Variants in SUMF1 observed in about 807,000 individuals in gnomAD.
SUMF1 encodes sulfatase modifying factor 1.
SUMF1 carries 48 observed loss-of-function variants against 47.6 expected under a neutral mutation model. That is an observed-to-expected ratio of 1.01 (90% CI 0.80 to 1.28). The LOEUF is 1.28. Ranked by LOEUF, SUMF1 falls within the 50% of genes most tolerant of loss-of-function variation. The pLI is 0.00. For missense variants in SUMF1, 571 were observed against 485.4 expected (o/e 1.18, Z -1.66); for synonymous variants, 230 against 192.1 (o/e 1.20, Z -1.63).
chr3:4,173,670 A>T (rs1405012321), intron 8 of SUMF1, among the ~76,000 whole-genome samples: 1 of 152,224 alleles, frequency 6.6e-6, no homozygotes, highest in Non-Finnish European at 1.5e-5. Context: ...AAAATGTGGC[A>T]CATATACACC....
intron 8 of SUMF1, among the ~76,000 whole-genome samples, chr3:4,352,683 A>C (rs1233935103): frequency 1.3e-5 from 2 of 148,354 alleles, no homozygotes; most frequent in Non-Finnish European, 3.0e-5. Flanking sequence ...AGGGTAGTCC[A>C]TGCATAGAAT....
downstream of SUMF1, among the ~76,000 whole-genome samples, chr3:4,360,605 T>C (rs1398816707): frequency 1.3e-5 from 2 of 152,146 alleles, no homozygotes; most frequent in Non-Finnish European, 2.9e-5. Flanking sequence ...AGTGCTGGGG[T>C]TACAGGTGTG....
chr3:4,373,470 A>AAG lies in SUMF1; in HGVS notation c.1014+2859_1014+2860insCT, dbSNP rs1027854881. On this transcript the variant is annotated intron_variant, in intron 8 of 8. Transcript: ENST00000272902. ...ATTAGGCCTACAGTAAAAGAAAAAA[A>AAG]AAATGGGCATACTGGCTCACACCTG... Among the ~76,000 whole-genome samples the AAG allele has an allele frequency of 5.3e-5, 8 of 151,858 alleles. No individual in the cohort carries two copies. The East Asian group carries it at 7.7e-4, about 15-fold the overall frequency.
At chr3:4,330,143 T>C (rs1237348393) in intron 8 of SUMF1, among the ~76,000 whole-genome samples, 1 of 152,192 alleles carries the variant, frequency 6.6e-6, no homozygotes, top group African/African-American at 2.4e-5. Context: ...GTCAAAGCCA[T>C]TCAACAAGTC....
At chr3:4,427,018 G>A (rs1206379062) in intron 3 of SUMF1, among the ~76,000 whole-genome samples, 1 of 152,094 alleles carries the variant, frequency 6.6e-6, no homozygotes, top group Non-Finnish European at 1.5e-5. Context: ...CCTCTCCCTG[G>A]GGACATAACC....
At chr3:4,307,499 G>GT in intron 8 of SUMF1, among the ~76,000 whole-genome samples, 1 of 152,312 alleles carries the variant, frequency 6.6e-6, no homozygotes, top group Middle Eastern at 3.4e-3. Flanking sequence ...AACAGTAAAT[G>GT]TAAGTCTAGT....
chr3:4,211,121 T>TATAC lies in SUMF1; in HGVS notation c.1015-142377_1015-142376insGTAT, dbSNP rs150373609. ...AAACTCCCATATATATATATATATA[T>TATAC]ACACACACACACACATATATACATA... On this transcript the variant is annotated intron_variant and NMD_transcript_variant, in intron 8 of 12. Coordinates refer to the SUMF1 transcript ENST00000448413. 1.8e-4 allele frequency among the ~76,000 whole-genome samples: 23 copies of TATAC among 128,312 alleles called. 2 individuals are homozygous for TATAC. Among genetic ancestry groups the TATAC allele is most frequent in the African/African-American group, 6.3e-4 (21 of 33,342 alleles). 84.2% of individuals were successfully genotyped at this position (128,312 alleles called of 152,430 possible).
intron 8 of SUMF1, among the ~76,000 whole-genome samples, chr3:4,335,965 A>AAAACAAAAACAAAC (rs1233134140): frequency 1.4e-5 from 2 of 146,880 alleles, no homozygotes; most frequent in African/African-American, 5.1e-5. Context: ...CAACTCAAAA[A>AAAACAAAAACAAAC]AAAAAAAAAA....
At chr3:4,128,175 GAAAA>G (rs1233533500) in intron 8 of SUMF1, among the ~76,000 whole-genome samples, 1 of 152,094 alleles carries the variant, frequency 6.6e-6, no homozygotes, top group Admixed American at 6.6e-5. Context: ...ATCTCCTGTA[GAAAA>G]AGCTAAAGTT....
chr3:4,066,723 G>A (rs1695384351), intron 9 of SUMF1, among the ~76,000 whole-genome samples: 1 of 152,136 alleles, frequency 6.6e-6, no homozygotes, highest in Admixed American at 6.5e-5. Context: ...CCCGGCCGAT[G>A]TCACCTGCAA....
chr3:4,089,214 G>C (rs1350581309), intron 8 of SUMF1, among the ~76,000 whole-genome samples: 3 of 151,970 alleles, frequency 2.0e-5, no homozygotes, highest in African/African-American at 4.8e-5. Context: ...GTTTGCATAG[G>C]GGTGACCTTG....
chr3:4,185,047 G>A (rs1018175457), intron 8 of SUMF1, among the ~76,000 whole-genome samples: 3 of 152,134 alleles, frequency 2.0e-5, no homozygotes, highest in African/African-American at 7.2e-5. Context: ...AGGAGATTTT[G>A]TTGGTAAAAT....
At chr3:4,259,402 G>T (rs1697036257) in intron 8 of SUMF1, among the ~76,000 whole-genome samples, 2 of 152,226 alleles carry the variant, frequency 1.3e-5, no homozygotes, top group Non-Finnish European at 2.9e-5. Flanking sequence ...CAAAAGGACA[G>T]CATTTAGGGA....
intron 8 of SUMF1, among the ~76,000 whole-genome samples, chr3:4,144,874 C>T (rs146788031): frequency 5.8e-4 from 88 of 152,156 alleles, no homozygotes; most frequent in Non-Finnish European, 1.0e-3. Context: ...CGGAACAAAC[C>T]ACAGAATTAT....
intron 8 of SUMF1, among the ~76,000 whole-genome samples, chr3:4,118,010 T>G (rs1444678054): frequency 3.3e-5 from 5 of 151,976 alleles, no homozygotes; most frequent in African/African-American, 1.2e-4. Context: ...TGAAGCAGGA[T>G]TCTCAGCTTG....
intron 8 of SUMF1, among the ~76,000 whole-genome samples, chr3:4,109,088 C>T (rs1437676252): frequency 2.0e-5 from 3 of 151,988 alleles, no homozygotes; most frequent in Non-Finnish European, 4.4e-5. Flanking sequence ...ATGTTTAGTG[C>T]TTCCTTCAGG....
chr3:4,344,513 C>A (rs544354119), intron 8 of SUMF1, among the ~76,000 whole-genome samples: 1 of 152,170 alleles, frequency 6.6e-6, no homozygotes, highest in East Asian at 1.9e-4. Flanking sequence ...AAGGCCCCCA[C>A]AAAAGCCCCA....
At chr3:4,052,771 A>C (rs542404714) in intron 9 of SUMF1, among the ~76,000 whole-genome samples, 3 of 152,310 alleles carry the variant, frequency 2.0e-5, no homozygotes, top group African/African-American at 7.2e-5. Flanking sequence ...AGACCACAAT[A>C]AAGTGAGTCA....
chr3:4,115,581 A>G (rs1359410298), intron 8 of SUMF1, among the ~76,000 whole-genome samples: 1 of 150,468 alleles, frequency 6.6e-6, no homozygotes, highest in Non-Finnish European at 1.5e-5. Context: ...AGTATGATGC[A>G]TGTTCCTCCG....
Sources: allele counts gnomAD v4.1 joint callset (sites outside exome capture counted in the v4.1 genomes callset), GRCh38; gene constraint gnomAD v4.1.1; transcripts MANE v1.5; gene names NCBI Gene and HGNC (gene_info 2026-07-23, HGNC 2026-07-21).